Variants in EYS observed in about 807,000 individuals in gnomAD.
EYS encodes protein eyes shut homolog.
In EYS, 250 loss-of-function variants were observed where a neutral mutation model predicts 282.1. That is an observed-to-expected ratio of 0.89 (90% CI 0.80 to 0.98). The LOEUF (loss-of-function observed/expected upper bound fraction) is 0.98, where lower values mean the gene tolerates loss of function less well. EYS is among the 50% of genes least tolerant of loss of function. The pLI is 0.00. For synonymous variants in EYS, 1,355 were observed against 1,282.9 expected (o/e 1.06, Z -1.20); for missense variants, 4,016 against 3,709.0 (o/e 1.08, Z -2.15).
chr6:65,076,726 TCTC>T (rs1345345196), intron 12 of EYS, among the ~76,000 whole-genome samples: 4 of 151,622 alleles, frequency 2.6e-5, no homozygotes, highest in Non-Finnish European at 5.9e-5. Context: ...ATACATTCTC[TCTC>T]CTCCTCTCAT....
intron 39 of EYS, among the ~76,000 whole-genome samples, chr6:63,780,230 C>A (rs1770180578): frequency 6.6e-6 from 1 of 152,124 alleles, no homozygotes; most frequent in Non-Finnish European, 1.5e-5. Context: ...GTCTTTATAG[C>A]AGCATGTTTT....
chr6:63,782,153 A>C (rs1436084632), intron 39 of EYS, among the ~76,000 whole-genome samples: 3 of 152,188 alleles, frequency 2.0e-5, no homozygotes, highest in African/African-American at 7.2e-5. Context: ...TCAGTTTGCC[A>C]GTATTTTATT....
chr6:64,808,761 A>AT (rs1764510792), intron 22 of EYS, among the ~76,000 whole-genome samples: 2 of 152,122 alleles, frequency 1.3e-5, no homozygotes, highest in African/African-American at 4.8e-5. Context: ...CATCAGCAAG[A>AT]TTTTTTTAAA....
At chr6:64,999,080 A>T (rs1376704760) in intron 13 of EYS, among the ~76,000 whole-genome samples, 1 of 152,198 alleles carries the variant, frequency 6.6e-6, no homozygotes, top group Non-Finnish European at 1.5e-5. Flanking sequence ...ATTGTCAATA[A>T]ATGTGTTTCT....
chr6:64,698,416 G>A (rs1770661015), intron 22 of EYS, among the ~76,000 whole-genome samples: 1 of 151,982 alleles, frequency 6.6e-6, no homozygotes, highest in Non-Finnish European at 1.5e-5. Context: ...AAAATTAAAA[G>A]ACCATCAGTT....
intron 8 of EYS, among the ~76,000 whole-genome samples, chr6:65,380,194 C>T (rs1163643734): frequency 6.6e-6 from 1 of 152,070 alleles, no homozygotes; most frequent in Non-Finnish European, 1.5e-5. Context: ...AAGCTGGAGG[C>T]ATCATGCTAC....
At chr6:65,034,928 G>A (rs993258603) in intron 13 of EYS, among the ~76,000 whole-genome samples, 1 of 151,854 alleles carries the variant, frequency 6.6e-6, no homozygotes, top group Non-Finnish European at 1.5e-5. Context: ...AATTTAGACC[G>A]ATATCTCTGA....
chr6:65,184,304 A>G (rs1765464034), intron 12 of EYS, among the ~76,000 whole-genome samples: 1 of 151,888 alleles, frequency 6.6e-6, no homozygotes, highest in African/African-American at 2.4e-5. Context: ...ACATGGCAGA[A>G]GTCATCACAT....
chr6:63,920,908 T>TG (rs959642353), intron 35 of EYS, among the ~76,000 whole-genome samples: 3 of 151,950 alleles, frequency 2.0e-5, no homozygotes, highest in Non-Finnish European at 4.4e-5. Flanking sequence ...TTTTTTTTTT[T>TG]TGGAGACAGA....
chr6:64,492,519 G>A (rs1048815196), intron 26 of EYS, among the ~76,000 whole-genome samples: 31 of 151,128 alleles, frequency 2.1e-4, no homozygotes, highest in African/African-American at 7.2e-4. Flanking sequence ...TCTTGAATGA[G>A]AGTGTCCTAA....
intron 31 of EYS, among the ~76,000 whole-genome samples, chr6:64,123,001 C>T (rs1333043190): frequency 6.6e-6 from 1 of 151,744 alleles, no homozygotes; most frequent in Non-Finnish European, 1.5e-5. Context: ...CAAAGAGTTA[C>T]AATATCATGA....
intron 35 of EYS, among the ~76,000 whole-genome samples, chr6:63,888,887 C>A (rs1017393757): frequency 1.3e-5 from 2 of 152,114 alleles, no homozygotes; most frequent in Admixed American, 6.5e-5. Context: ...AAGCTAAGAA[C>A]CTTGATAAAA....
intron 40 of EYS, among the ~76,000 whole-genome samples, chr6:63,776,363 G>A (rs541987132): frequency 6.6e-6 from 1 of 152,184 alleles, no homozygotes; most frequent in East Asian, 1.9e-4. Context: ...AGATTCTGGA[G>A]AGAATCTTGA....
At chr6:64,101,508 C>A (rs1441370277) in intron 31 of EYS, among the ~76,000 whole-genome samples, 1 of 151,148 alleles carries the variant, frequency 6.6e-6, no homozygotes, top group Non-Finnish European at 1.5e-5. Context: ...GTTTTGAGAA[C>A]AAAAACAAAA....
intron 29 of EYS, among the ~76,000 whole-genome samples, chr6:64,378,727 T>C (rs1266604054): frequency 2.6e-5 from 4 of 152,142 alleles, no homozygotes; most frequent in Admixed American, 6.5e-5. Context: ...TGGCAATGAA[T>C]TGAGGGAGCT....
chr6:64,131,380 AT>A (rs1260955745), intron 31 of EYS, among the ~76,000 whole-genome samples: 6 of 152,208 alleles, frequency 3.9e-5, no homozygotes, highest in African/African-American at 1.2e-4. Flanking sequence ...AAGAAAAGCA[AT>A]GTTGCTTGCT....
chr6:63,902,572 G>A (rs1773682631), intron 35 of EYS, among the ~76,000 whole-genome samples: 1 of 151,804 alleles, frequency 6.6e-6, no homozygotes, highest in Non-Finnish European at 1.5e-5. Flanking sequence ...TGTATATTAT[G>A]TATGATAATA....
chr6:65,648,911 G>C (rs1288958246), intron 1 of EYS, among the ~76,000 whole-genome samples: 1 of 151,796 alleles, frequency 6.6e-6, no homozygotes, highest in African/African-American at 2.4e-5. Context: ...TTGGGAGGCT[G>C]AGGAGAAGGT....
intron 11 of EYS, among the ~76,000 whole-genome samples, chr6:65,313,108 C>A (rs1348488648): frequency 6.6e-6 from 1 of 152,108 alleles, no homozygotes; most frequent in Admixed American, 6.5e-5. Context: ...CCCTACAAGT[C>A]TAGATGGCCC....
Sources: gnomAD v4.1 joint callset for allele counts (sites outside exome capture counted in the v4.1 genomes callset) on GRCh38, gnomAD v4.1.1 for gene constraint, MANE v1.5 for transcripts, NCBI Gene and HGNC (gene_info 2026-07-23, HGNC 2026-07-21) for gene names.